Variants in XRCC4 observed in about 807,000 individuals in gnomAD.
XRCC4 encodes DNA repair protein XRCC4.
Under a neutral mutation model 39.1 loss-of-function variants are expected in XRCC4, and 28 were observed. The observed-to-expected ratio is 0.72, with a 90% confidence interval of 0.53 to 0.98. The LOEUF (loss-of-function observed/expected upper bound fraction) is 0.98. XRCC4 is among the 50% of genes least tolerant of loss of function. The probability of loss-of-function intolerance (pLI) is 0.00; values close to 1 mark genes in which losing one functional copy is unlikely to be tolerated. For missense variants in XRCC4, 350 were observed against 376.4 expected (o/e 0.93, Z 0.58); for synonymous variants, 123 against 126.4 (o/e 0.97, Z 0.18).
intron 3 of XRCC4, among the ~76,000 whole-genome samples, chr5:83,122,455 A>G (rs958312153): frequency 1.3e-5 from 2 of 152,128 alleles, no homozygotes; most frequent in Non-Finnish European, 2.9e-5. Flanking sequence ...TAAGTATTCT[A>G]TAAGGTGCAG....
chr5:83,197,395 C>T (rs749074287), intron 4 of XRCC4, among the ~76,000 whole-genome samples: 10 of 152,060 alleles, frequency 6.6e-5, no homozygotes, highest in Non-Finnish European at 1.5e-4. Flanking sequence ...AGAATACCCT[C>T]AGGATGATAG....
chr5:83,215,274 G>A lies in XRCC4; in HGVS notation c.745+10353G>A, dbSNP rs148945997. Reference sequence around the variant, plus strand: ...GGATTGCTTGAGCCTGGGAGGCAGAGGTTACGGTGAGCCAAGATCACACCA... The same window carrying A: ...GGATTGCTTGAGCCTGGGAGGCAGAAGTTACGGTGAGCCAAGATCACACCA... On this transcript the variant is annotated intron_variant, in intron 6 of 7. Transcript: ENST00000396027. Among the ~76,000 whole-genome samples the A allele has an allele frequency of 6.4e-3, 977 of 152,186 alleles. 10 individuals are homozygous for A. Among genetic ancestry groups the A allele is most frequent in the African/African-American group, 0.021 (874 of 41,520 alleles).
chr5:83,368,252 G>A, the XRCC4 span, among the ~76,000 whole-genome samples: 1 of 152,130 alleles, frequency 6.6e-6, no homozygotes, highest in Non-Finnish European at 1.5e-5. Flanking sequence ...TTCTCTCCCT[G>A]AACTACAGTT....
intron 6 of XRCC4, among the ~76,000 whole-genome samples, chr5:83,235,282 C>T (rs1349458395): frequency 6.9e-6 from 1 of 144,168 alleles, no homozygotes; most frequent in African/African-American, 2.7e-5. Flanking sequence ...TTGCAGTGAG[C>T]CAAGATGGCA....
At chr5:83,219,291 C>CT (rs1751992060) in intron 6 of XRCC4, among the ~76,000 whole-genome samples, 2 of 152,140 alleles carry the variant, frequency 1.3e-5, no homozygotes, top group South Asian at 2.1e-4. Flanking sequence ...TGCAAAATAT[C>CT]TTTTTTTGGG....
Position 83,324,855 on chromosome 5 carries a change from A to T in XRCC4, c.894-28276A>T, listed in dbSNP as rs554517738. On this transcript the variant is annotated intron_variant, in intron 7 of 7. Transcript: ENST00000396027. ...CATAGAATCACCATGCAAATTCAAG[A>T]ACAAAGCCACTTTATAAAAGCAAAC... 7.2e-5 allele frequency among the ~76,000 whole-genome samples: 11 copies of T among 152,302 alleles called. No individual in the cohort carries two copies. The East Asian group carries it at 2.1e-3, about 29-fold the overall frequency.
chr5:83,234,344 C>T (rs1196324647), intron 6 of XRCC4, among the ~76,000 whole-genome samples: 4 of 152,110 alleles, frequency 2.6e-5, no homozygotes, highest in African/African-American at 7.2e-5. Context: ...TCTGATTTTT[C>T]ATAATATGCA....
At chr5:83,367,316 A>C in the XRCC4 span, among the ~76,000 whole-genome samples, 1 of 152,206 alleles carries the variant, frequency 6.6e-6, no homozygotes, top group South Asian at 2.1e-4. Context: ...CTATGTGCAA[A>C]TCATATGTCC....
At chr5:83,123,252 C>G (rs1268090168) in intron 3 of XRCC4, among the ~76,000 whole-genome samples, 1 of 152,132 alleles carries the variant, frequency 6.6e-6, no homozygotes, top group African/African-American at 2.4e-5. Context: ...TTGACATGCT[C>G]TCTTGATGAG....
chr5:83,113,081 C>T (rs1053676950), intron 3 of XRCC4, among the ~76,000 whole-genome samples: 13 of 152,166 alleles, frequency 8.5e-5, no homozygotes, highest in Non-Finnish European at 1.6e-4. Flanking sequence ...TTCCTTCTAC[C>T]TATGAGCTTG....
chr5:83,311,058 G>T (rs889178865), intron 7 of XRCC4: 1 of 254,064 alleles, frequency 3.9e-6, no homozygotes. Flanking sequence ...AATTTTTATT[G>T]TATTAAGCCA....
intron 7 of XRCC4, among the ~76,000 whole-genome samples, chr5:83,311,405 G>A (rs1235030883): frequency 6.6e-6 from 1 of 152,048 alleles, no homozygotes; most frequent in African/African-American, 2.4e-5. Flanking sequence ...TATGGTGATG[G>A]ATATCTAAAT....
chr5:83,153,905 A>G (rs1221099074), intron 3 of XRCC4, among the ~76,000 whole-genome samples: 1 of 152,196 alleles, frequency 6.6e-6, no homozygotes, highest in Non-Finnish European at 1.5e-5. Context: ...TTTTATTCAC[A>G]TAATTGTGTT....
chr5:83,225,812 G>C (rs1373765871), intron 6 of XRCC4, among the ~76,000 whole-genome samples: 1 of 151,674 alleles, frequency 6.6e-6, no homozygotes, highest in African/African-American at 2.4e-5. Context: ...GATAGTGAGA[G>C]CTGCATGTTC....
At chr5:83,244,697 G>A (rs1011746440) in intron 6 of XRCC4, among the ~76,000 whole-genome samples, 1 of 152,088 alleles carries the variant, frequency 6.6e-6, no homozygotes, top group African/African-American at 2.4e-5. Context: ...GGTCATTGTG[G>A]TCTGCCTGGG....
intron 6 of XRCC4, among the ~76,000 whole-genome samples, chr5:83,233,056 CT>C (rs1379255215): frequency 6.6e-6 from 1 of 152,128 alleles, no homozygotes; most frequent in African/African-American, 2.4e-5. Flanking sequence ...TTAAATGAAT[CT>C]TAACCATTTT....
Position 83,353,377 on chromosome 5 carries a change from A to T in XRCC4, c.*135A>T. ...TTAATTACATACACAGTGAATTGAAACCATTGTGCAAAATGGATTACACAT... is the reference window on the plus strand; with the variant it reads ...TTAATTACATACACAGTGAATTGAATCCATTGTGCAAAATGGATTACACAT... On this transcript the variant is annotated 3_prime_UTR_variant, in exon 8 of 8. Coordinates refer to ENST00000396027, the MANE Select transcript of XRCC4 (RefSeq NM_003401.5). The T allele has an allele frequency of 1.5e-6, 1 of 664,288 alleles. No individual in the cohort carries two copies. The highest frequency in any genetic ancestry group is 1.9e-5 in the African/African-American group (1 of 53,838). 41.1% of individuals were successfully genotyped at this position (664,288 alleles called of 1,614,324 possible).
chr5:83,166,152 G>T (rs992009283), intron 3 of XRCC4, among the ~76,000 whole-genome samples: 1 of 152,056 alleles, frequency 6.6e-6, no homozygotes, highest in Non-Finnish European at 1.5e-5. Flanking sequence ...CTCCCAAAGT[G>T]CTGGGATTAC....
Position 83,213,478 on chromosome 5 carries a change from T to G in XRCC4, c.745+8557T>G, listed in dbSNP as rs550985831. Reference sequence around the variant, plus strand: ...CAATAATAGGACAAATTGGATAATATAGCTATATGAGAGCAAAATTTCTAT... The same window carrying G: ...CAATAATAGGACAAATTGGATAATAGAGCTATATGAGAGCAAAATTTCTAT... On this transcript the variant is annotated intron_variant, in intron 6 of 7. Coordinates refer to ENST00000396027, the MANE Select transcript of XRCC4 (RefSeq NM_003401.5). Among the ~76,000 whole-genome samples the G allele has an allele frequency of 3.9e-5, 6 of 152,194 alleles. No homozygotes were observed. In the East Asian group the frequency reaches 1.2e-3, roughly 29 times the overall value.
Sources: allele counts gnomAD v4.1 joint callset (sites outside exome capture counted in the v4.1 genomes callset), GRCh38; gene constraint gnomAD v4.1.1; transcripts MANE v1.5; gene names NCBI Gene and HGNC (gene_info 2026-07-23, HGNC 2026-07-21).